Variants in DCDC1 observed in about 807,000 individuals in gnomAD.
DCDC1 encodes doublecortin domain containing 1.
Under a neutral mutation model 178.3 loss-of-function variants are expected in DCDC1, and 200 were observed. The observed-to-expected ratio is 1.12, with a 90% CI of 1.00 to 1.26. DCDC1 has a LOEUF of 1.26. Among genes scored for constraint, DCDC1 ranks in the 50% most tolerant of loss-of-function variants. DCDC1 has a pLI of 0.00. For synonymous variants in DCDC1, 690 were observed against 604.8 expected, an observed-to-expected ratio of 1.14 and a Z score of -2.07; for missense variants, 1,983 against 1,749.2, an observed-to-expected ratio of 1.13 and a Z score of -2.38.
intron 9 of DCDC1, among the ~76,000 whole-genome samples, chr11:31,151,545 A>G: frequency 6.6e-6 from 1 of 152,204 alleles, no homozygotes; most frequent in African/African-American, 2.4e-5. Context: ...ACCCAATGTC[A>G]TTATTTTTTC....
rs368786160 is a variant in DCDC1 at position 30,889,044 on chromosome 11, A to C, written c.5082+3774T>G. On this transcript the variant is annotated intron_variant, in intron 36 of 38. Coordinates refer to ENST00000684477, the MANE Select transcript of DCDC1 (RefSeq NM_001387274.1). ...TTTTTCATTCCTTGAGCTTCTGCTC[A>C]TGCATTCAGAACCATTCCTAGGCCA... Among the ~76,000 whole-genome samples, 386 of 152,322 alleles carry C rather than the reference A, an allele frequency of 2.5e-3. 1 individual carries two copies. Among genetic ancestry groups the C allele is most frequent in the Non-Finnish European group, 4.6e-3 (310 of 68,024 alleles).
In DCDC1 at chr11:31,064,550, C is replaced by T. The variant is rs746992716; in HGVS notation, c.2510G>A (p.Gly837Asp). 6.5e-6 allele frequency: 5 copies of T among 765,896 alleles called. No individual in the cohort carries two copies. The highest frequency in any genetic ancestry group is 3.4e-5 in the African/African-American group (2 of 59,086). The allele number at this position is 765,896 out of a possible 1,614,324, so 47.4% of individuals were successfully genotyped here. A position where few individuals can be genotyped will look rare whatever the true frequency, so the allele number is the denominator to read the frequency against. The change falls in exon 20 of 39, where the codon GGT becomes GAT. Residue 837 changes from glycine to aspartate, a missense_variant. Physicochemically the swap from Gly to Asp is moderately conservative, Grantham distance 94 (BLOSUM62 -1). Transcript: ENST00000684477. The part of the protein sequence containing the change: ...EPSDTHLMPE[G>D]SLEETGELTV... ...CAGCTCCCCCGTCTCCTCAAGAGAA[C>T]CTTCTGGCATTAAATGGGTGTCTGA...
chr11:31,353,510 G>A (rs1162269327), intron 1 of DCDC1, among the ~76,000 whole-genome samples: 1 of 152,114 alleles, frequency 6.6e-6, no homozygotes, highest in African/African-American at 2.4e-5. Context: ...TACAACATTG[G>A]TGACAATGCC....
At position 31,130,413 on chromosome 11, in the gene DCDC1, G is replaced by A. The variant is rs145645427; in HGVS notation, c.1315-2774C>T. On this transcript the variant is annotated intron_variant, in intron 10 of 38. Coordinates refer to ENST00000684477, the MANE Select transcript of DCDC1 (RefSeq NM_001387274.1). Reference sequence around the variant, plus strand: ...TAGCAGAAGCTTTAAGAACCATTGTGCAGTTCTGCCATTGCTCTCTTCCGC... The same window carrying A: ...TAGCAGAAGCTTTAAGAACCATTGTACAGTTCTGCCATTGCTCTCTTCCGC... Among the ~76,000 whole-genome samples, 235 of 152,196 alleles carry A rather than the reference G, an allele frequency of 1.5e-3. 1 individual carries two copies. The highest frequency in any genetic ancestry group is 2.4e-3 in the Admixed American group (36 of 15,276).
intron 7 of DCDC1, among the ~76,000 whole-genome samples, chr11:31,273,239 T>C (rs903238525): frequency 7.9e-5 from 12 of 152,152 alleles, no homozygotes; most frequent in African/African-American, 2.9e-4. Context: ...CCTCAGAAAA[T>C]GGGATTTTAT....
chr11:31,187,755 A>C (rs1177999162), intron 9 of DCDC1, among the ~76,000 whole-genome samples: 1 of 152,162 alleles, frequency 6.6e-6, no homozygotes, highest in Non-Finnish European at 1.5e-5. Flanking sequence ...AAAATCCAAC[A>C]ATATTTGTTT....
chr11:31,043,847 G>A (rs1449523414), intron 20 of DCDC1, among the ~76,000 whole-genome samples: 2 of 147,828 alleles, frequency 1.4e-5, no homozygotes, highest in Non-Finnish European at 3.0e-5. Flanking sequence ...TACCTTATAA[G>A]TGCTATATTT....
rs1321879739 is a variant in DCDC1, at chr11:30,903,465, T to G, written c.4510+17A>C. 5.1e-6 allele frequency: 8 copies of G among 1,572,456 alleles called. No homozygotes were observed. The African/African-American group carries it at 1.1e-4, about 21-fold the overall frequency. ...AGCATAAGTAGAATCAGCTAAATGC[T>G]GTAGATTGTAGCCAACCTTCCATAC... On this transcript the variant is annotated intron_variant, in intron 32 of 38. Transcript: ENST00000684477.
chr11:31,159,300 C>T (rs1966071701), intron 9 of DCDC1, among the ~76,000 whole-genome samples: 1 of 152,166 alleles, frequency 6.6e-6, no homozygotes, highest in Non-Finnish European at 1.5e-5. Context: ...AAAATATTCT[C>T]TATTTCCTCT....
chr11:31,269,258 A>G (rs181176169), intron 7 of DCDC1, among the ~76,000 whole-genome samples: 1 of 152,358 alleles, frequency 6.6e-6, no homozygotes, highest in African/African-American at 2.4e-5. Context: ...ATAATTTACA[A>G]TTGAAAAGTA....
intron 7 of DCDC1, among the ~76,000 whole-genome samples, chr11:31,277,904 G>T (rs567468624): frequency 6.6e-6 from 1 of 152,108 alleles, no homozygotes; most frequent in East Asian, 1.9e-4. Flanking sequence ...AAGAGCAAAA[G>T]TTTTTTGATT....
intron 20 of DCDC1, among the ~76,000 whole-genome samples, chr11:30,992,130 T>C (rs1350248773): frequency 6.6e-6 from 1 of 152,200 alleles, no homozygotes; most frequent in East Asian, 1.9e-4. Context: ...AATAAAATCA[T>C]ACTTCTTCCC....
intron 8 of DCDC1, among the ~76,000 whole-genome samples, chr11:31,260,732 G>T (rs1024654913): frequency 1.3e-5 from 2 of 152,138 alleles, no homozygotes; most frequent in Non-Finnish European, 2.9e-5. Flanking sequence ...GACTCCTCTG[G>T]TTCACCATCA....
intron 9 of DCDC1, among the ~76,000 whole-genome samples, chr11:31,236,025 A>C (rs1976412221): frequency 6.6e-6 from 1 of 152,092 alleles, no homozygotes; most frequent in Non-Finnish European, 1.5e-5. Flanking sequence ...CATATTTGAC[A>C]CTTGGTAGTA....
intron 9 of DCDC1, among the ~76,000 whole-genome samples, chr11:31,141,384 C>T (rs1963810974): frequency 6.6e-6 from 1 of 152,140 alleles, no homozygotes; most frequent in South Asian, 2.1e-4. Flanking sequence ...TTAGTCCAAC[C>T]AAACTCTCAT....
intron 8 of DCDC1, among the ~76,000 whole-genome samples, chr11:31,244,070 A>T (rs1157335919): frequency 6.6e-6 from 1 of 151,862 alleles, no homozygotes; most frequent in Admixed American, 6.6e-5. Flanking sequence ...TACAGAAAAC[A>T]TAAGAAAATG....
intron 34 of DCDC1, among the ~76,000 whole-genome samples, chr11:30,895,663 T>C (rs1025753137): frequency 6.6e-6 from 1 of 152,204 alleles, no homozygotes; most frequent in African/African-American, 2.4e-5. Context: ...ATGTCCCTAA[T>C]AAGCATTTAT....
chr11:31,045,454 A>C (rs1004465259), intron 20 of DCDC1, among the ~76,000 whole-genome samples: 1 of 151,510 alleles, frequency 6.6e-6, no homozygotes, highest in South Asian at 2.1e-4. Flanking sequence ...AGAGAAACAG[A>C]CTTCCAATGT....
chr11:30,988,543 C>G (rs955802219), intron 20 of DCDC1, among the ~76,000 whole-genome samples: 2 of 152,078 alleles, frequency 1.3e-5, no homozygotes, highest in South Asian at 2.1e-4. Flanking sequence ...TTCCCTCACC[C>G]CACTCTTCTC....
Sources: gnomAD v4.1 joint callset for allele counts (sites outside exome capture counted in the v4.1 genomes callset) on GRCh38, gnomAD v4.1.1 for gene constraint, MANE v1.5 for transcripts, NCBI Gene and HGNC (gene_info 2026-07-23, HGNC 2026-07-21) for gene names.